DLG2: variants seen among roughly 807,000 people sequenced by gnomAD.
DLG2 encodes disks large homolog 2.
In DLG2, 45 loss-of-function variants were observed where a neutral mutation model predicts 132.5. The ratio of observed to expected loss-of-function variants is 0.34; its 90% CI spans 0.27 to 0.44. The LOEUF (loss-of-function observed/expected upper bound fraction) is 0.44. Among genes scored for constraint, DLG2 ranks in the 20% least tolerant of loss-of-function variants. The pLI is 1.00. For synonymous variants in DLG2, 424 were observed against 419.6 expected (o/e 1.01, Z -0.13); for missense variants, 1,045 against 1,196.9 (o/e 0.87, Z 1.87).
chr11:85,469,258 C>A (rs537169990), intron 3 of DLG2: 1 of 152,172 alleles, frequency 6.6e-6, no homozygotes, highest in Non-Finnish European at 1.5e-5. Context: ...ATTTCAAGAG[C>A]CACTTTATTG....
chr11:85,583,257 C>T (rs2078737674), intron 3 of DLG2, among the ~76,000 whole-genome samples: 1 of 147,932 alleles, frequency 6.8e-6, no homozygotes, highest in Non-Finnish European at 1.5e-5. Flanking sequence ...CCTCAACCTC[C>T]CAAGCTCAAG....
chr11:84,893,489 G>T (rs1402637379), intron 6 of DLG2, among the ~76,000 whole-genome samples: 1 of 152,102 alleles, frequency 6.6e-6, no homozygotes, highest in Non-Finnish European at 1.5e-5. Flanking sequence ...GGAAGAAAAC[G>T]AGGTGGTTCT....
intron 8 of DLG2, among the ~76,000 whole-genome samples, chr11:84,211,359 T>G (rs1477505959): frequency 6.6e-6 from 1 of 152,204 alleles, no homozygotes; most frequent in Non-Finnish European, 1.5e-5. Context: ...CTGCTCAGAT[T>G]GAGACCAGTG....
chr11:85,204,997 A>G (rs1192962007), intron 4 of DLG2, among the ~76,000 whole-genome samples: 1 of 152,092 alleles, frequency 6.6e-6, no homozygotes, highest in Non-Finnish European at 1.5e-5. Flanking sequence ...AAATAAAAAT[A>G]GATCCCTACC....
chr11:83,709,480 C>T (rs1472381695), intron 18 of DLG2, among the ~76,000 whole-genome samples: 2 of 151,926 alleles, frequency 1.3e-5, no homozygotes, highest in Non-Finnish European at 2.9e-5. Context: ...TCTGGGCAGA[C>T]TTTTAAAATC....
At chr11:84,065,193 T>TA (rs1249695027) in intron 10 of DLG2, among the ~76,000 whole-genome samples, 4 of 152,040 alleles carry the variant, frequency 2.6e-5, no homozygotes, top group African/African-American at 9.7e-5. Flanking sequence ...CAAAAGCAAT[T>TA]ACAACAAAAC....
chr11:84,309,192 C>G (rs765270910), intron 7 of DLG2, among the ~76,000 whole-genome samples: 1 of 152,170 alleles, frequency 6.6e-6, no homozygotes, highest in Non-Finnish European at 1.5e-5. Flanking sequence ...CCCCCCGAGC[C>G]TAAAATCAAA....
chr11:84,720,628 G>T (rs1023600762), intron 6 of DLG2, among the ~76,000 whole-genome samples: 2 of 151,990 alleles, frequency 1.3e-5, no homozygotes, highest in East Asian at 1.9e-4. Flanking sequence ...AACCAAGAAA[G>T]AATTTTTCCC....
chr11:83,563,906 A>C (rs1353571786), intron 19 of DLG2, among the ~76,000 whole-genome samples: 1 of 152,152 alleles, frequency 6.6e-6, no homozygotes, highest in African/African-American at 2.4e-5. Context: ...CAAGCACTTC[A>C]CTGTCTTCGT....
chr11:84,129,217 T>G (rs1002025697), intron 9 of DLG2, among the ~76,000 whole-genome samples: 1 of 152,136 alleles, frequency 6.6e-6, no homozygotes, highest in Non-Finnish European at 1.5e-5. Context: ...AGTCATCTAC[T>G]GAACCATGAC....
intron 6 of DLG2, among the ~76,000 whole-genome samples, chr11:84,857,677 GC>G (rs2082971404): frequency 6.6e-6 from 1 of 151,902 alleles, no homozygotes; most frequent in South Asian, 2.1e-4. Flanking sequence ...TTCCCACTTT[GC>G]TATGTCTCCC....
chr11:84,671,232 G>A (rs542387183), intron 6 of DLG2, among the ~76,000 whole-genome samples: 1 of 152,006 alleles, frequency 6.6e-6, no homozygotes, highest in South Asian at 2.1e-4. Flanking sequence ...CTGAGTAGCT[G>A]TGACTATAGG....
chr11:83,502,466 A>ATC (rs71274448), intron 21 of DLG2, among the ~76,000 whole-genome samples: 1 of 151,640 alleles, frequency 6.6e-6, no homozygotes, highest in Non-Finnish European at 1.5e-5. Flanking sequence ...CTAAAATATA[A>ATC]TCTCTATTTT....
intron 11 of DLG2, among the ~76,000 whole-genome samples, chr11:84,012,706 G>A (rs953902180): frequency 2.0e-5 from 3 of 152,086 alleles, no homozygotes; most frequent in South Asian, 2.1e-4. Flanking sequence ...TAAACAGGAG[G>A]AAAGCAGGAT....
chr11:85,395,634 C>T (rs1272955644), intron 3 of DLG2, among the ~76,000 whole-genome samples: 1 of 152,178 alleles, frequency 6.6e-6, no homozygotes, highest in Non-Finnish European at 1.5e-5. Flanking sequence ...GTCCCCTGCC[C>T]ACAGAGACTT....
At chr11:83,675,568 AT>A (rs1477563057) in intron 18 of DLG2, among the ~76,000 whole-genome samples, 1 of 152,228 alleles carries the variant, frequency 6.6e-6, no homozygotes, top group African/African-American at 2.4e-5. Context: ...TAAAGTTCAC[AT>A]TGATTGACTC....
At chr11:85,098,133 C>T (rs1264894277) in intron 6 of DLG2, among the ~76,000 whole-genome samples, 1 of 152,172 alleles carries the variant, frequency 6.6e-6, no homozygotes, top group Non-Finnish European at 1.5e-5. Context: ...CATTCAATCA[C>T]AGAGATGACT....
At chr11:83,648,283 A>C (rs753029988) in intron 18 of DLG2, among the ~76,000 whole-genome samples, 10 of 152,110 alleles carry the variant, frequency 6.6e-5, no homozygotes, top group Non-Finnish European at 1.3e-4. Context: ...TAACACCTAG[A>C]CCTAATCTTA....
At chr11:85,266,164 C>T (rs538746319) in intron 4 of DLG2, among the ~76,000 whole-genome samples, 2 of 152,178 alleles carry the variant, frequency 1.3e-5, no homozygotes, top group Non-Finnish European at 2.9e-5. Context: ...GAGTCATGGG[C>T]CCCCCAACCT....
Sources: gnomAD v4.1 joint callset for allele counts (sites outside exome capture counted in the v4.1 genomes callset) on GRCh38, gnomAD v4.1.1 for gene constraint, MANE v1.5 for transcripts, NCBI Gene and HGNC (gene_info 2026-07-23, HGNC 2026-07-21) for gene names.